The following GRID2 variants were observed in gnomAD, a reference collection of about 807,000 sequenced individuals.
GRID2 encodes glutamate ionotropic receptor delta type subunit 2.
Under a neutral mutation model 114.8 loss-of-function variants are expected in GRID2, and 33 were observed. That is an observed-to-expected ratio of 0.29 (90% confidence interval 0.22 to 0.38). The LOEUF is 0.38. Ranked by LOEUF, GRID2 falls within the 10% of genes least tolerant of loss-of-function variation. The pLI is 1.00. For missense variants in GRID2, 1,184 were observed against 1,257.7 expected, an observed-to-expected ratio of 0.94 and a Z score of 0.89; for synonymous variants, 505 against 449.9, an observed-to-expected ratio of 1.12 and a Z score of -1.55.
chr4:93,507,956 A>C (rs577546120), intron 12 of GRID2, among the ~76,000 whole-genome samples: 58 of 152,102 alleles, frequency 3.8e-4, no homozygotes, highest in Non-Finnish European at 7.8e-4. Flanking sequence ...AAAAATGAAC[A>C]ATGAGAACAC....
chr4:93,113,816 G>C (rs1267148794), intron 4 of GRID2, among the ~76,000 whole-genome samples: 1 of 152,086 alleles, frequency 6.6e-6, no homozygotes. Context: ...GAGCGTTAAA[G>C]GACATGTGGA....
At chr4:93,545,433 T>C (rs72670622) in intron 13 of GRID2, among the ~76,000 whole-genome samples, 11,096 of 152,170 alleles carry the variant, frequency 0.073, 512 homozygotes, top group African/African-American at 0.13. Flanking sequence ...GAGTTTGTCA[T>C]ATGCTAGGGG....
chr4:93,174,254 G>A (rs1444595451), intron 4 of GRID2, among the ~76,000 whole-genome samples: 1 of 152,098 alleles, frequency 6.6e-6, no homozygotes, highest in Non-Finnish European at 1.5e-5. Flanking sequence ...GTGCTATTAT[G>A]ATCTCAGATA....
intron 2 of GRID2, among the ~76,000 whole-genome samples, chr4:92,961,099 C>T (rs571163319): frequency 1.6e-4 from 24 of 151,916 alleles, no homozygotes; most frequent in African/African-American, 5.8e-4. Flanking sequence ...TTACCCCCTC[C>T]ATTCTTTGTA....
chr4:92,965,279 A>G (rs796211538), intron 2 of GRID2, among the ~76,000 whole-genome samples: 1 of 151,704 alleles, frequency 6.6e-6, no homozygotes, highest in Non-Finnish European at 1.5e-5. Flanking sequence ...AGTAACATCA[A>G]AAATCACTGA....
chr4:92,588,706 CT>C (rs1728574141), intron 1 of GRID2, among the ~76,000 whole-genome samples: 1 of 137,932 alleles, frequency 7.2e-6, no homozygotes, highest in Admixed American at 7.2e-5. Flanking sequence ...AAAAAAAATT[CT>C]TCATTAGTTT....
At chr4:93,120,197 A>G (rs995302815) in intron 4 of GRID2, among the ~76,000 whole-genome samples, 9 of 152,182 alleles carry the variant, frequency 5.9e-5, no homozygotes, top group Non-Finnish European at 1.3e-4. Context: ...TGATTCCTCA[A>G]GGATCTAGAA....
chr4:93,538,148 G>C (rs940845891), intron 13 of GRID2, among the ~76,000 whole-genome samples: 1 of 151,672 alleles, frequency 6.6e-6, no homozygotes, highest in African/African-American at 2.4e-5. Context: ...GGAATCCTTA[G>C]AGAAATGGCT....
chr4:92,490,324 G>A (rs1398127891), intron 1 of GRID2, among the ~76,000 whole-genome samples: 1 of 152,078 alleles, frequency 6.6e-6, no homozygotes, highest in Non-Finnish European at 1.5e-5. Context: ...AAAAATTATA[G>A]GTATCTTTAT....
At chr4:93,777,994 A>G (rs1402967442), downstream of GRID2, among the ~76,000 whole-genome samples, 3 of 152,318 alleles carry the variant, frequency 2.0e-5, no homozygotes, top group South Asian at 2.1e-4. Flanking sequence ...CCTATATGCA[A>G]AGATAACCCA....
chr4:93,764,361 A>G (rs1733457095), intron 14 of GRID2, among the ~76,000 whole-genome samples: 1 of 152,172 alleles, frequency 6.6e-6, no homozygotes, highest in South Asian at 2.1e-4. Context: ...AAAAAAGGAA[A>G]TGAGATGTCC....
chr4:93,307,867 A>G (rs543977191), intron 8 of GRID2, among the ~76,000 whole-genome samples: 1 of 74,720 alleles, frequency 1.3e-5, no homozygotes, highest in Non-Finnish European at 2.5e-5. Context: ...TTTTAATTCT[A>G]GCTGCATTTT....
chr4:93,383,661 A>T (rs901992636), intron 8 of GRID2, among the ~76,000 whole-genome samples: 6 of 151,972 alleles, frequency 3.9e-5, no homozygotes, highest in African/African-American at 1.5e-4. Context: ...TGTAATTCTA[A>T]TTTTTGTTGT....
At chr4:93,431,731 TTTTG>T (rs1298684618) in intron 10 of GRID2, among the ~76,000 whole-genome samples, 1 of 152,112 alleles carries the variant, frequency 6.6e-6, no homozygotes, top group Non-Finnish European at 1.5e-5. Context: ...TTGGTAGAGT[TTTTG>T]TTTGTTTTTA....
In GRID2 at chr4:93,118,133, A is replaced by T. The variant is rs566857678; in HGVS notation, c.735+7180A>T. Among the ~76,000 whole-genome samples, 7 of 152,290 alleles carry T rather than the reference A, an allele frequency of 4.6e-5. 1 individual carries two copies. In the South Asian group the frequency reaches 1.4e-3, roughly 32 times the overall value. On this transcript the variant is annotated intron_variant, in intron 4 of 15. Transcript: ENST00000282020. ...AATTGCTGCCCTTATGACAGTCTGT[A>T]GTCTACGGCTTCTGCCACCCTGCTT... is the stretch of plus-strand genomic sequence containing the variant.
intron 9 of GRID2, among the ~76,000 whole-genome samples, chr4:93,404,777 G>A (rs1766246786): frequency 6.6e-6 from 1 of 152,018 alleles, no homozygotes; most frequent in South Asian, 2.1e-4. Context: ...GGATTATCAA[G>A]GAATAGATAA....
In GRID2 at chr4:92,654,752, T is replaced by TA. The variant is rs147225565; in HGVS notation, c.244+64475dup. ...TTTTGCCTATTTTCAAATGGAATTT[T>TA]AAAAAAAAATTGTTGAAGTGTTTGA... On this transcript the variant is annotated intron_variant, in intron 2 of 15. Transcript: ENST00000282020. Among the ~76,000 whole-genome samples, 1,419 of 151,580 alleles carry TA rather than the reference T, an allele frequency of 9.4e-3. 21 individuals are homozygous for TA. Among genetic ancestry groups the TA allele is most frequent in the South Asian group, 0.065 (314 of 4,796 alleles).
At chr4:93,398,753 T>C (rs199953572) in intron 9 of GRID2, among the ~76,000 whole-genome samples, 3 of 151,606 alleles carry the variant, frequency 2.0e-5, no homozygotes, top group Admixed American at 1.3e-4. Context: ...AGCAGTGTTT[T>C]TTTTTTTTTT....
chr4:92,394,477 G>T (rs1034863866), intron 1 of GRID2, among the ~76,000 whole-genome samples: 6 of 151,752 alleles, frequency 4.0e-5, no homozygotes, highest in Non-Finnish European at 7.4e-5. Context: ...TCCTGATCTG[G>T]CTGTGGCTAG....
Sources: gnomAD v4.1 joint callset for allele counts (sites outside exome capture counted in the v4.1 genomes callset) on GRCh38, gnomAD v4.1.1 for gene constraint, MANE v1.5 for transcripts, NCBI Gene and HGNC (gene_info 2026-07-23, HGNC 2026-07-21) for gene names.